Variants in TMTC4 observed in about 807,000 individuals in gnomAD.
The protein encoded by TMTC4 is transmembrane O-mannosyltransferase targeting cadherins 4, also known as protein O-mannosyl-transferase TMTC4.
A neutral mutation model predicts 86.0 loss-of-function variants in TMTC4; 65 were observed. The ratio of observed to expected loss-of-function variants is 0.76; its 90% CI spans 0.62 to 0.93. The LOEUF is 0.93. Ranked by LOEUF, TMTC4 falls within the 40% of genes least tolerant of loss-of-function variation. The pLI is 0.00. For synonymous variants in TMTC4, 379 were observed against 382.5 expected (o/e 0.99, Z 0.11); for missense variants, 866 against 948.1 (o/e 0.91, Z 1.14).
intron 6 of TMTC4, among the ~76,000 whole-genome samples, chr13:100,652,508 G>C (rs575889629): frequency 1.1e-4 from 17 of 152,222 alleles, no homozygotes; most frequent in Non-Finnish European, 2.4e-4. Flanking sequence ...ACATGCGACT[G>C]TTTAAGATAT....
At chr13:100,671,876 C>CTA (rs1887148606) in intron 1 of TMTC4, among the ~76,000 whole-genome samples, 1 of 109,554 alleles carries the variant, frequency 9.1e-6, no homozygotes, top group Non-Finnish European at 1.8e-5. Flanking sequence ...CTAGCAAACG[C>CTA]AAAAAAAAAA....
rs750805841 is a variant in TMTC4, at chr13:100,635,198, G to C, written c.1203-3C>G. The C allele has an allele frequency of 1.9e-6, 3 of 1,576,052 alleles. No homozygotes were observed. The highest frequency in any genetic ancestry group is 2.6e-6 in the Non-Finnish European group (3 of 1,164,724). The stretch of plus-strand genomic sequence containing the variant: ...ATCCCAGGCCCAGAGTAAGGATCCT[G>C]GATGATGAAAAGTATTTAAATAAAT... On this transcript the variant is annotated splice_polypyrimidine_tract_variant and splice_region_variant and intron_variant, in intron 10 of 18. Transcript: ENST00000342624.
chr13:100,625,070 G>A (rs1880239371), intron 15 of TMTC4: 1 of 159,872 alleles, frequency 6.3e-6, no homozygotes, highest in African/African-American at 2.4e-5. Flanking sequence ...GCCCTCCAAA[G>A]CTGCCTTTTT....
intron 15 of TMTC4, among the ~76,000 whole-genome samples, chr13:100,618,224 G>A (rs559934640): frequency 6.6e-6 from 1 of 152,262 alleles, no homozygotes; most frequent in East Asian, 1.9e-4. Flanking sequence ...ATGAGTTCCA[G>A]GAGCCTTCTG....
chr13:100,609,177 C>T (rs757476589), intron 17 of TMTC4, among the ~76,000 whole-genome samples: 5 of 152,074 alleles, frequency 3.3e-5, no homozygotes, highest in Admixed American at 6.5e-5. Context: ...TGTGTGGGCC[C>T]CACCCTCTAA....
intron 15 of TMTC4, among the ~76,000 whole-genome samples, chr13:100,616,448 G>T (rs1473051407): frequency 6.6e-6 from 1 of 152,148 alleles, no homozygotes; most frequent in Admixed American, 6.6e-5. Context: ...TAATCCACCT[G>T]CCTCGGACTT....
intron 15 of TMTC4, chr13:100,625,160 G>A (rs9513774): frequency 0.32 from 72,335 of 222,756 alleles, 13,726 homozygotes; most frequent in Admixed American, 0.5. Context: ...TCATACTACG[G>A]ATTTGTTACT....
chr13:100,645,839 A>AG (rs972253377), intron 6 of TMTC4, among the ~76,000 whole-genome samples: 5 of 151,950 alleles, frequency 3.3e-5, no homozygotes, highest in African/African-American at 7.3e-5. Flanking sequence ...CTTTTTTTGG[A>AG]GGGGGGTTGC....
Position 100,663,155 on chromosome 13 carries a change from A to G in TMTC4, c.361T>C (p.Phe121Leu), listed in dbSNP as rs1885996653. The change falls in exon 5 of 19, where the codon TTC (phenylalanine) becomes CTC (leucine). Residue 121 changes from phenylalanine (F) to leucine (L), a missense_variant. Transcript: ENST00000342624. ...ACCACGTGAAAGCCCACGGGGTGGA[A>G]GCCTCCCGAGAGGTAGTAGTTAATC... ...FRINYYLSGG[F>L]HPVGFHVVNI... 6.2e-7 allele frequency: 1 copy of G among 1,614,222 alleles called. No homozygotes were observed. Among genetic ancestry groups the G allele is most frequent in the Non-Finnish European group, 8.5e-7 (1 of 1,180,040 alleles).
chr13:100,662,881 G>C, intron 5 of TMTC4, 83 bp downstream of exon 5: 1 of 1,460,866 alleles, frequency 6.8e-7, no homozygotes, highest in Middle Eastern at 2.4e-4. Context: ...CATAAAGGGA[G>C]CCTGTTTTAG....
intron 6 of TMTC4, among the ~76,000 whole-genome samples, chr13:100,645,754 A>G (rs1351790694): frequency 6.6e-6 from 1 of 152,186 alleles, no homozygotes; most frequent in Non-Finnish European, 1.5e-5. Context: ...AGAGTTTATC[A>G]CAAGCACTTG....
At chr13:100,667,355 G>A (rs893840265) in intron 3 of TMTC4, among the ~76,000 whole-genome samples, 11 of 152,180 alleles carry the variant, frequency 7.2e-5, no homozygotes, top group East Asian at 3.9e-4. Context: ...CTTGAACCCC[G>A]GAGGCAGAGG....
chr13:100,634,754 T>C, intron 12 of TMTC4, 51 bp downstream of exon 12: 1 of 1,581,274 alleles, frequency 6.3e-7, no homozygotes, highest in Non-Finnish European at 8.6e-7. Context: ...CCCAAGAACT[T>C]AACAGATACC....
chr13:100,656,343 A>C lies in TMTC4; in HGVS notation c.640+38T>G, dbSNP rs751406682. On this transcript the variant is annotated intron_variant, in intron 6 of 18. Transcript: ENST00000342624. Reference sequence around the variant, plus strand: ...ACTGCTCAACAGGACAAAAACATGAAGAAGGTGGAAAATTAAGAAGGCAAA... The same window carrying C: ...ACTGCTCAACAGGACAAAAACATGACGAAGGTGGAAAATTAAGAAGGCAAA... 3.8e-6 allele frequency: 6 copies of C among 1,573,178 alleles called. No homozygotes were observed. In the Admixed American group the frequency reaches 1.1e-4, roughly 28 times the overall value.
chr13:100,616,024 T>C (rs1426891687), intron 15 of TMTC4, among the ~76,000 whole-genome samples: 1 of 152,060 alleles, frequency 6.6e-6, no homozygotes, highest in African/African-American at 2.4e-5. Context: ...CTTAGGATAG[T>C]GGCCTCCAGT....
chr13:100,629,432 T>A (rs1566587433), intron 12 of TMTC4, among the ~76,000 whole-genome samples: 1 of 152,116 alleles, frequency 6.6e-6, no homozygotes, highest in Non-Finnish European at 1.5e-5. Context: ...AGGCCGTGGC[T>A]GCTGTGACCC....
chr13:100,612,647 C>T, intron 16 of TMTC4, 137 bp from the exon 17 acceptor site: 2 of 477,480 alleles, frequency 4.2e-6, no homozygotes, highest in African/African-American at 2.2e-5. Context: ...CTGTGTAGAT[C>T]ATGTAATACA....
Position 100,605,003 on chromosome 13 carries a change from TTTC to T in TMTC4, c.2271_2273del (p.Lys758del), listed in dbSNP as rs762894045. On this transcript the variant is annotated inframe_deletion, in exon 19 of 19. Coordinates refer to ENST00000342624, the MANE Select transcript of TMTC4 (RefSeq NM_032813.5). This position sits in a 1 kb window ranked among gnomAD's most constrained non-coding sequence, Gnocchi z 4.3. ...CATGAAGGAAACAGGATCAGACAGCTTTCTTTTGCATTAGTTCTAGCTTTCTTC... is the reference window on the plus strand; with the variant it reads ...CATGAAGGAAACAGGATCAGACAGCTTTTTGCATTAGTTCTAGCTTTCTTC... The T allele has an allele frequency of 2.4e-5, 38 of 1,613,312 alleles. No individual in the cohort carries two copies. In the African/African-American group the frequency reaches 4.9e-4, roughly 21 times the overall value.
In TMTC4 at chr13:100,625,640, T is replaced by C. The variant is rs376136377; in HGVS notation, c.1731A>G (p.Ile577Met). 43 of 1,614,102 alleles carry C rather than the reference T, an allele frequency of 2.7e-5. No homozygotes were observed. Among genetic ancestry groups the C allele is most frequent in the Non-Finnish European group, 3.6e-5 (42 of 1,180,040 alleles). ...CAAACCGTTTCAGGCTATTCTGCACTATGCCTAGATTCATCCACGCAGCGG... is the reference window on the plus strand; with the variant it reads ...CAAACCGTTTCAGGCTATTCTGCACCATGCCTAGATTCATCCACGCAGCGG... ...DFAAAWMNLG[I>M]VQNSLKRFEA... The change falls in exon 15 of 19, where the codon ATA (isoleucine) becomes ATG (methionine). Residue 577 changes from isoleucine (I) to methionine (M), a missense_variant. Coordinates refer to ENST00000342624, the MANE Select transcript of TMTC4 (RefSeq NM_032813.5).
Sources: allele counts gnomAD v4.1 joint callset (sites outside exome capture counted in the v4.1 genomes callset), GRCh38; gene constraint gnomAD v4.1.1; non-coding constraint Gnocchi (gnomAD v3.1); transcripts MANE v1.5; gene names NCBI Gene and HGNC (gene_info 2026-07-23, HGNC 2026-07-21).